The following RUNDC3B variants were observed in gnomAD, a reference collection of about 807,000 sequenced individuals.
RUNDC3B encodes the protein RUN domain-containing protein 3B.
In RUNDC3B, 33 loss-of-function variants were observed where a neutral mutation model predicts 58.4. The observed-to-expected ratio is 0.56, with a 90% confidence interval of 0.43 to 0.75. The LOEUF (loss-of-function observed/expected upper bound fraction) is 0.75. Ranked by LOEUF, RUNDC3B falls within the 30% of genes least tolerant of loss-of-function variation. The pLI, the probability that RUNDC3B is intolerant of heterozygous loss-of-function variation, is 0.00. For synonymous variants in RUNDC3B, 193 were observed against 195.2 expected (o/e 0.99, Z 0.10); for missense variants, 501 against 535.7 (o/e 0.94, Z 0.64).
intron 1 of RUNDC3B, among the ~76,000 whole-genome samples, chr7:87,630,484 G>A (rs944264427): frequency 8.5e-5 from 13 of 152,224 alleles, no homozygotes; most frequent in African/African-American, 2.9e-4. Context: ...TAAAATATAG[G>A]TAAATATCTT....
intron 4 of RUNDC3B, among the ~76,000 whole-genome samples, chr7:87,738,983 C>T (rs1167200558): frequency 1.3e-5 from 2 of 151,684 alleles, no homozygotes; most frequent in African/African-American, 2.4e-5. Flanking sequence ...AATATAAATA[C>T]TTATAGCAGT....
chr7:87,675,477 A>G (rs958414831), intron 2 of RUNDC3B, among the ~76,000 whole-genome samples: 1 of 152,288 alleles, frequency 6.6e-6, no homozygotes. Context: ...AGTAATTGAA[A>G]CAGCTTGGTA....
chr7:87,734,439 C>A (rs1831797914), intron 4 of RUNDC3B, among the ~76,000 whole-genome samples: 1 of 152,054 alleles, frequency 6.6e-6, no homozygotes, highest in Admixed American at 6.6e-5. Context: ...CATATGATTC[C>A]CTTCTTCCTT....
intron 2 of RUNDC3B, among the ~76,000 whole-genome samples, chr7:87,654,623 C>T (rs755241894): frequency 1.3e-5 from 2 of 152,012 alleles, no homozygotes; most frequent in Non-Finnish European, 2.9e-5. Context: ...TGTAAAATTA[C>T]TAGAAGAAAA....
chr7:87,666,036 T>C (rs1314515812), intron 2 of RUNDC3B, among the ~76,000 whole-genome samples: 1 of 152,180 alleles, frequency 6.6e-6, no homozygotes, highest in Admixed American at 6.5e-5. Context: ...GTAGTTCTTT[T>C]AGCTCTTTGA....
At chr7:87,829,710 A>G (rs1247747092) in intron 10 of RUNDC3B, among the ~76,000 whole-genome samples, 175 bp from the exon 11 acceptor site, 1 of 151,946 alleles carries the variant, frequency 6.6e-6, no homozygotes, top group Non-Finnish European at 1.5e-5. Context: ...GTGAAAAATG[A>G]TGTTGGTACT....
chr7:87,778,039 C>G, intron 8 of RUNDC3B, 84 bp downstream of exon 8: 8 of 1,158,766 alleles, frequency 6.9e-6, no homozygotes, highest in Non-Finnish European at 9.8e-6. Context: ...AGGCAAATTC[C>G]AAGAAATCTT....
chr7:87,674,531 A>G (rs1448537805), intron 2 of RUNDC3B, among the ~76,000 whole-genome samples: 1 of 152,080 alleles, frequency 6.6e-6, no homozygotes, highest in Admixed American at 6.6e-5. Context: ...GAGGAGGGTG[A>G]CATGTGCCAG....
intron 10 of RUNDC3B, among the ~76,000 whole-genome samples, chr7:87,819,601 A>C (rs994048301): frequency 6.6e-6 from 1 of 152,124 alleles, no homozygotes; most frequent in African/African-American, 2.4e-5. Context: ...TCAGCACCAC[A>C]CCACACCTAT....
chr7:87,628,811 G>A lies in RUNDC3B; in HGVS notation c.-13G>A. On this transcript the variant is annotated 5_prime_UTR_variant, in exon 1 of 11. Coordinates refer to ENST00000394654, the MANE Select transcript of RUNDC3B (RefSeq NM_001134405.2). The stretch of plus-strand genomic sequence containing the variant: ...GTGGCACGAGACAAAAGGGGCACGG[G>A]GGTAAGCCCGCCATGGCCTCCCGGA... The A allele has an allele frequency of 1.6e-6, 2 of 1,234,822 alleles. No homozygotes were observed. Among genetic ancestry groups the A allele is most frequent in the Non-Finnish European group, 1.0e-6 (1 of 975,828 alleles). 76.5% of individuals were successfully genotyped at this position (1,234,822 alleles called of 1,614,324 possible).
chr7:87,748,314 G>T (rs2008850), intron 6 of RUNDC3B, among the ~76,000 whole-genome samples: 4,527 of 152,246 alleles, frequency 0.03, 63 homozygotes, highest in Middle Eastern at 0.048. Context: ...CCGCAGTTGG[G>T]GCACCCACGG....
intron 4 of RUNDC3B, among the ~76,000 whole-genome samples, chr7:87,734,104 T>A (rs1320183099): frequency 6.6e-6 from 1 of 152,186 alleles, no homozygotes; most frequent in Non-Finnish European, 1.5e-5. Flanking sequence ...CACTGCATAC[T>A]AACTAGGATG....
At chr7:87,635,247 C>T (rs767395175) in intron 1 of RUNDC3B, among the ~76,000 whole-genome samples, 5 of 152,112 alleles carry the variant, frequency 3.3e-5, no homozygotes, top group Non-Finnish European at 5.9e-5. Flanking sequence ...TCTTCTATCC[C>T]CAACTGCTTT....
intron 6 of RUNDC3B, among the ~76,000 whole-genome samples, chr7:87,769,135 G>A (rs1362340592): frequency 6.6e-6 from 1 of 151,668 alleles, no homozygotes; most frequent in African/African-American, 2.4e-5. Flanking sequence ...CATGTAGCTG[G>A]GATTACAGGC....
chr7:87,724,459 T>C (rs1040319723), intron 4 of RUNDC3B, among the ~76,000 whole-genome samples: 2 of 152,180 alleles, frequency 1.3e-5, no homozygotes, highest in Admixed American at 1.3e-4. Context: ...CAATATTCTG[T>C]ATATTTAAAT....
At chr7:87,750,250 T>G (rs1183525483) in intron 6 of RUNDC3B, among the ~76,000 whole-genome samples, 1 of 152,174 alleles carries the variant, frequency 6.6e-6, no homozygotes, top group Non-Finnish European at 1.5e-5. Flanking sequence ...GGTGTATATG[T>G]GCCACATTTT....
At chr7:87,697,643 G>A (rs1056479089) in intron 2 of RUNDC3B, among the ~76,000 whole-genome samples, 37 of 152,166 alleles carry the variant, frequency 2.4e-4, no homozygotes, top group African/African-American at 8.9e-4. Flanking sequence ...CTGCTTGTAT[G>A]ATTACAGTAA....
At chr7:87,784,571 G>T (rs986264703) in intron 8 of RUNDC3B, among the ~76,000 whole-genome samples, 1 of 151,994 alleles carries the variant, frequency 6.6e-6, no homozygotes, top group African/African-American at 2.4e-5. Context: ...ATTTTTGTTT[G>T]GTGGTGTAAT....
At chr7:87,758,489 T>C (rs1326655242) in intron 6 of RUNDC3B, among the ~76,000 whole-genome samples, 1 of 152,074 alleles carries the variant, frequency 6.6e-6, no homozygotes, top group Non-Finnish European at 1.5e-5. Flanking sequence ...TTCCATCAAG[T>C]TGAAAAGCTT....
Sources: allele counts gnomAD v4.1 joint callset (sites outside exome capture counted in the v4.1 genomes callset), GRCh38; gene constraint gnomAD v4.1.1; transcripts MANE v1.5; gene names NCBI Gene and HGNC (gene_info 2026-07-23, HGNC 2026-07-21).